GPD1L: variants seen among roughly 807,000 people sequenced by gnomAD.
GPD1L encodes the protein glycerol-3-phosphate dehydrogenase 1-like protein.
In GPD1L, 17 loss-of-function variants were observed where a neutral mutation model predicts 32.9. That is an observed-to-expected ratio of 0.52 (90% CI 0.35 to 0.78). The LOEUF (loss-of-function observed/expected upper bound fraction) is 0.78. Among genes scored for constraint, GPD1L ranks in the 30% least tolerant of loss-of-function variants. GPD1L has a pLI of 0.01. For synonymous variants in GPD1L, 187 were observed against 165.9 expected (o/e 1.13, Z -0.98); for missense variants, 361 against 447.8 (o/e 0.81, Z 1.75).
In GPD1L at chr3:32,115,758, C is replaced by CTTTTTTTTTTTTTTTTTT. The variant is rs539068850; in HGVS notation, c.47+9031_47+9048dup. Among the ~76,000 whole-genome samples, 23 of 45,086 alleles carry CTTTTTTTTTTTTTTTTTT rather than the reference C, an allele frequency of 5.1e-4. 8 individuals carry two copies. The highest frequency in any genetic ancestry group is 1.0e-3 in the Non-Finnish European group (21 of 20,538). The allele number at this position is 45,086 out of a possible 152,430, so 29.6% of individuals were successfully genotyped here. On this transcript the variant is annotated intron_variant, in intron 1 of 7. Transcript: ENST00000282541. ...CTAAACCCTTTTCGTGTACGTTGAA[C>CTTTTTTTTTTTTTTTTTT]TTTTTTTTTTTTTTTTTTTTTTTTT...
chr3:32,137,163 G>C (rs1169813357), intron 2 of GPD1L, among the ~76,000 whole-genome samples: 1 of 152,216 alleles, frequency 6.6e-6, no homozygotes, highest in Non-Finnish European at 1.5e-5. Flanking sequence ...GATTTCCTCA[G>C]AGAAGAATCT....
In GPD1L at chr3:32,158,967, T is replaced by C; in HGVS notation, c.710T>C (p.Met237Thr). The C allele has an allele frequency of 3.1e-6, 5 of 1,614,040 alleles. No individual in the cohort carries two copies. Among genetic ancestry groups the C allele is most frequent in the Non-Finnish European group, 4.2e-6 (5 of 1,180,022 alleles). Reference protein sequence around the residue: ...AAVIRLGLMEMIAFARIFCKG... With the variant: ...AAVIRLGLMETIAFARIFCKG... ...GTCATCCGCCTGGGACTCATGGAAATGATTGCTTTTGCCAGGATCTTCTGC... is the reference window on the plus strand; with the variant it reads ...GTCATCCGCCTGGGACTCATGGAAACGATTGCTTTTGCCAGGATCTTCTGC... The change falls in exon 6 of 8, where the codon ATG becomes ACG. Residue 237 changes from methionine to threonine, a missense_variant. Physicochemically the swap from Met to Thr is moderately conservative, Grantham distance 81. Coordinates refer to ENST00000282541, the MANE Select transcript of GPD1L (RefSeq NM_015141.4).
At chr3:32,120,658 C>A (rs1487531568) in intron 1 of GPD1L, among the ~76,000 whole-genome samples, 1 of 152,094 alleles carries the variant, frequency 6.6e-6, no homozygotes, top group East Asian at 1.9e-4. Context: ...GATCTGGTCT[C>A]TCCTAGTCAT....
At chr3:32,115,962 G>C (rs1228629692) in intron 1 of GPD1L, among the ~76,000 whole-genome samples, 2 of 151,534 alleles carry the variant, frequency 1.3e-5, no homozygotes, top group African/African-American at 4.8e-5. Context: ...TAATTTTTTT[G>C]TATTTTTAGT....
chr3:32,151,358 T>A, intron 5 of GPD1L: 1 of 689,590 alleles, frequency 1.5e-6, no homozygotes, highest in Non-Finnish European at 2.6e-6. Context: ...CTGGGTAACA[T>A]TGTAGACTCT....
intron 5 of GPD1L, among the ~76,000 whole-genome samples, chr3:32,150,003 T>G (rs1700889121): frequency 1.3e-5 from 2 of 152,076 alleles, no homozygotes; most frequent in South Asian, 2.1e-4. Context: ...TTAGAGTTTA[T>G]AATACCATGG....
intron 2 of GPD1L, among the ~76,000 whole-genome samples, chr3:32,131,401 C>T (rs1304154225): frequency 1.3e-5 from 2 of 152,214 alleles, no homozygotes; most frequent in South Asian, 2.1e-4. Flanking sequence ...TAGTCACCTC[C>T]TGTTTTCCCC....
At chr3:32,123,016 C>T (rs752751155) in intron 1 of GPD1L, among the ~76,000 whole-genome samples, 13 of 152,056 alleles carry the variant, frequency 8.5e-5, no homozygotes, top group African/African-American at 1.2e-4. Flanking sequence ...CTGATCCTCT[C>T]GCTTCAGCCT....
At position 32,168,514 on chromosome 3, in the gene GPD1L, T is replaced by G. The variant is rs1463057017; in HGVS notation, c.*2604T>G. 6.5e-6 allele frequency: 1 copy of G among 152,682 alleles called. No individual in the cohort carries two copies. The highest frequency in any genetic ancestry group is 1.5e-5 in the Non-Finnish European group (1 of 68,050). The allele number at this position is 152,682 out of a possible 1,614,324, so 9.5% of individuals were successfully genotyped here. A position where few individuals can be genotyped will look rare whatever the true frequency, so the allele number is the denominator to read the frequency against. On this transcript the variant is annotated 3_prime_UTR_variant, in exon 8 of 8. Transcript: ENST00000282541. ...AAACTTGTGGTTTTTCATTTAACTTTTGACTACAGCATGGCCCCATGGCAT... is the reference window on the plus strand; with the variant it reads ...AAACTTGTGGTTTTTCATTTAACTTGTGACTACAGCATGGCCCCATGGCAT...
chr3:32,162,410 G>A lies in GPD1L; in HGVS notation c.959+2736G>A, dbSNP rs1403659673. Among the ~76,000 whole-genome samples, 3 of 57,118 alleles carry A rather than the reference G, an allele frequency of 5.3e-5. 1 individual carries two copies. The highest frequency in any genetic ancestry group is 9.0e-5 in the Non-Finnish European group (3 of 33,208). 37.5% of individuals were successfully genotyped at this position (57,118 alleles called of 152,430 possible). On this transcript the variant is annotated intron_variant, in intron 7 of 7. Coordinates refer to ENST00000282541, the MANE Select transcript of GPD1L (RefSeq NM_015141.4). ...CTTTTTTTTTTTGAGACGGAGTCTC[G>A]CTCTGTCGCCCAGGCCGGACTGCGG...
chr3:32,151,742 G>A (rs141431026), intron 5 of GPD1L: 1,948 of 156,994 alleles, frequency 0.012, 60 homozygotes, highest in African/African-American at 0.043. Flanking sequence ...GCCTCCCAAC[G>A]TGCTAGGATT....
chr3:32,114,912 C>T (rs1404285907), intron 1 of GPD1L, among the ~76,000 whole-genome samples: 1 of 152,222 alleles, frequency 6.6e-6, no homozygotes, highest in Admixed American at 6.5e-5. Context: ...TGTGGTCTCG[C>T]TTACTTCAGG....
intron 1 of GPD1L, among the ~76,000 whole-genome samples, chr3:32,107,382 G>C (rs1366452930): frequency 1.3e-5 from 2 of 152,218 alleles, no homozygotes; most frequent in Admixed American, 1.3e-4. Context: ...GAAGCTTTGC[G>C]TCTCTTTGGG....
intron 2 of GPD1L, among the ~76,000 whole-genome samples, chr3:32,130,093 G>A (rs570421549): frequency 1.3e-5 from 2 of 152,226 alleles, no homozygotes; most frequent in African/African-American, 4.8e-5. Flanking sequence ...TGGGGGAAGT[G>A]AATCTGCTGA....
chr3:32,166,208 A>G lies in GPD1L; in HGVS notation c.*298A>G, dbSNP rs527871535. Reference sequence around the variant, plus strand: ...AAATTGCTTATGAAATTTCCACACAATCGTAGCTTATAAGATTGGAACGAT... The same window carrying G: ...AAATTGCTTATGAAATTTCCACACAGTCGTAGCTTATAAGATTGGAACGAT... On this transcript the variant is annotated 3_prime_UTR_variant, in exon 8 of 8. Coordinates refer to ENST00000282541, the MANE Select transcript of GPD1L (RefSeq NM_015141.4). 2.3e-6 allele frequency: 1 copy of G among 427,196 alleles called. No individual in the cohort carries two copies. The highest frequency in any genetic ancestry group is 4.3e-6 in the Non-Finnish European group (1 of 230,486). The allele number at this position is 427,196 out of a possible 1,614,324, so 26.5% of individuals were successfully genotyped here.
chr3:32,124,587 A>C lies in GPD1L; in HGVS notation c.48-3489A>C, dbSNP rs375964550. 4.9e-4 allele frequency among the ~76,000 whole-genome samples: 75 copies of C among 152,284 alleles called. 1 individual carries two copies. The highest frequency in any genetic ancestry group is 1.6e-3 in the African/African-American group (68 of 41,556). On this transcript the variant is annotated intron_variant, in intron 1 of 7. Coordinates refer to ENST00000282541, the MANE Select transcript of GPD1L (RefSeq NM_015141.4). The stretch of plus-strand genomic sequence containing the variant: ...CGGGTTATACTTTTTGATTTTTTAT[A>C]AACCACACAGATAAAAGTGGACAAC...
Position 32,106,770 on chromosome 3 carries a change from C to A in GPD1L, c.47+12C>A. On this transcript the variant is annotated intron_variant, in intron 1 of 7. Coordinates refer to ENST00000282541, the MANE Select transcript of GPD1L (RefSeq NM_015141.4). This position sits in a 1 kb window ranked among gnomAD's most constrained non-coding sequence, Gnocchi z 4.0. ...GGCTCGGGGAACTGGTGAGCGGCGG[C>A]GGGCTGGAGGCCGGGGCTCCGCTTC... The A allele has an allele frequency of 6.4e-7, 1 of 1,557,206 alleles. No homozygotes were observed. Among genetic ancestry groups the A allele is most frequent in the Non-Finnish European group, 8.7e-7 (1 of 1,152,318 alleles).
intron 2 of GPD1L, among the ~76,000 whole-genome samples, chr3:32,132,187 A>C (rs937310755): frequency 6.6e-6 from 1 of 152,178 alleles, no homozygotes; most frequent in Admixed American, 6.5e-5. Flanking sequence ...GAAGCACAAA[A>C]GTTTTTAATT....
At chr3:32,120,964 G>A (rs1467563479) in intron 1 of GPD1L, among the ~76,000 whole-genome samples, 2 of 152,132 alleles carry the variant, frequency 1.3e-5, no homozygotes, top group Non-Finnish European at 2.9e-5. Context: ...TTGCCAAGCT[G>A]GGGGTTAGGA....
Sources: allele counts gnomAD v4.1 joint callset (sites outside exome capture counted in the v4.1 genomes callset), GRCh38; gene constraint gnomAD v4.1.1; non-coding constraint Gnocchi (gnomAD v3.1); transcripts MANE v1.5; gene names NCBI Gene and HGNC (gene_info 2026-07-23, HGNC 2026-07-21).